PLEKHA5: variants seen among roughly 807,000 people sequenced by gnomAD.
The protein encoded by PLEKHA5 is pleckstrin homology domain-containing family A member 5.
In PLEKHA5, 55 loss-of-function variants were observed where a neutral mutation model predicts 181.9. The ratio of observed to expected loss-of-function variants is 0.30; its 90% CI spans 0.24 to 0.38. The LOEUF (loss-of-function observed/expected upper bound fraction) is 0.38, where lower values mean the gene tolerates loss of function less well. Ranked by LOEUF, PLEKHA5 falls within the 10% of genes least tolerant of loss-of-function variation. The pLI is 1.00. For missense variants in PLEKHA5, 1,432 were observed against 1,549.5 expected, an observed-to-expected ratio of 0.92 and a Z score of 1.27; for synonymous variants, 535 against 529.4, an observed-to-expected ratio of 1.01 and a Z score of -0.15.
chr12:19,139,646 A>G (rs1445538725), intron 3 of PLEKHA5, among the ~76,000 whole-genome samples: 1 of 152,204 alleles, frequency 6.6e-6, no homozygotes, highest in Non-Finnish European at 1.5e-5. Flanking sequence ...TAATCATGCA[A>G]ATATGTAAGA....
chr12:19,171,348 T>C (rs888018302), intron 3 of PLEKHA5, among the ~76,000 whole-genome samples: 2 of 152,160 alleles, frequency 1.3e-5, no homozygotes, highest in African/African-American at 4.8e-5. Flanking sequence ...TCTTTTAATA[T>C]AAAAATGAAG....
At chr12:19,152,027 C>T (rs34665799) in intron 3 of PLEKHA5, 13,534 of 151,916 alleles carry the variant, frequency 0.089, 750 homozygotes, top group Admixed American at 0.18. Flanking sequence ...CCACCACGCC[C>T]GGCTAATTTT....
In PLEKHA5 at chr12:19,141,738, T is replaced by G. The variant is rs74390883; in HGVS notation, c.227+9288T>G. ...ATTGGCTGTCCTGAGCAAGTGAGTT[T>G]GAAGAAACTGATTTAGCACAAGTGG... On this transcript the variant is annotated intron_variant, in intron 3 of 31. Coordinates refer to ENST00000429027, the MANE Select transcript of PLEKHA5 (RefSeq NM_001256470.2). Among the ~76,000 whole-genome samples, 605 of 152,202 alleles carry G rather than the reference T, an allele frequency of 4.0e-3. 2 individuals carry two copies. Among genetic ancestry groups the G allele is most frequent in the African/African-American group, 0.014 (571 of 41,534 alleles).
intron 21 of PLEKHA5, among the ~76,000 whole-genome samples, chr12:19,338,741 A>G (rs548904689): frequency 6.6e-6 from 1 of 151,758 alleles, no homozygotes; most frequent in South Asian, 2.1e-4. Flanking sequence ...ATCAGCTACA[A>G]TAATCAGCTA....
At chr12:19,138,223 T>C (rs1490632143) in intron 3 of PLEKHA5, among the ~76,000 whole-genome samples, 1 of 152,002 alleles carries the variant, frequency 6.6e-6, no homozygotes, top group East Asian at 1.9e-4. Flanking sequence ...AAATATAAGA[T>C]GAAATTAAGG....
At chr12:19,344,049 CAAA>C (rs35734108) in intron 22 of PLEKHA5, among the ~76,000 whole-genome samples, 4 of 120,956 alleles carry the variant, frequency 3.3e-5, no homozygotes, top group Admixed American at 8.2e-5. Context: ...GAAACTGTCC[CAAA>C]AAAAAAAAAA....
intron 3 of PLEKHA5, among the ~76,000 whole-genome samples, chr12:19,144,661 T>C (rs2038411436): frequency 6.6e-6 from 1 of 152,188 alleles, no homozygotes. Flanking sequence ...TAGCGATAAC[T>C]GTTTGAAGCA....
intron 25 of PLEKHA5, among the ~76,000 whole-genome samples, chr12:19,353,403 C>T (rs555389934): frequency 2.6e-5 from 4 of 152,184 alleles, no homozygotes; most frequent in African/African-American, 4.8e-5. Flanking sequence ...GTGATTCACC[C>T]GCCTCAGCCT....
intron 15 of PLEKHA5, among the ~76,000 whole-genome samples, chr12:19,299,438 TTA>T (rs1193018196): frequency 6.6e-6 from 1 of 152,218 alleles, no homozygotes; most frequent in Admixed American, 6.5e-5. Context: ...TCCTGAATCT[TTA>T]GTCAGCAAAT....
intron 26 of PLEKHA5, among the ~76,000 whole-genome samples, chr12:19,355,463 C>T (rs962567877): frequency 6.6e-6 from 1 of 150,612 alleles, no homozygotes. Flanking sequence ...GGGATCCTCT[C>T]ACCCCAGCCT....
intron 15 of PLEKHA5, among the ~76,000 whole-genome samples, chr12:19,310,084 A>G (rs1013345923): frequency 2.0e-5 from 3 of 152,220 alleles, no homozygotes; most frequent in African/African-American, 4.8e-5. Context: ...TTTATAATTT[A>G]GCAATTAAAT....
In PLEKHA5 at chr12:19,130,060, C is replaced by A; in HGVS notation, c.99C>A (p.Ala33=). ...TCTCTCACCCCTGCAGCGAGGAGGC[C>A]AAGAGCACCACCTGGCTGCACCCCG... The part of the protein sequence containing the change: ...GGRVFFINEE[A]KSTTWLHPVT... Residue 33 remains alanine, a synonymous_variant, in exon 2 of 32, where the codon GCC becomes GCA. Coordinates refer to ENST00000429027, the MANE Select transcript of PLEKHA5 (RefSeq NM_001256470.2). The surrounding 1 kb of genome is among the most constrained non-coding windows in gnomAD (Gnocchi z 4.5). 6.3e-7 allele frequency: 1 copy of A among 1,589,084 alleles called. No individual in the cohort carries two copies. The highest frequency in any genetic ancestry group is 1.7e-5 in the Admixed American group (1 of 57,418).
intron 3 of PLEKHA5, chr12:19,176,367 C>T (rs1216313652): frequency 1.3e-5 from 2 of 151,784 alleles, no homozygotes; most frequent in East Asian, 1.9e-4. Flanking sequence ...ATCAGATCAG[C>T]ACAGGAGTTT....
intron 3 of PLEKHA5, among the ~76,000 whole-genome samples, chr12:19,175,059 A>C (rs2151742261): frequency 6.6e-6 from 1 of 152,346 alleles, no homozygotes; most frequent in Non-Finnish European, 1.5e-5. Flanking sequence ...AAAGAAACAT[A>C]AATGGCCAAT....
chr12:19,302,568 G>A (rs559649710), intron 15 of PLEKHA5, among the ~76,000 whole-genome samples: 43 of 152,072 alleles, frequency 2.8e-4, no homozygotes, highest in African/African-American at 9.9e-4. Flanking sequence ...GCTAATTTTG[G>A]TATTTTTTAT....
chr12:19,320,407 C>G (rs943556069), intron 17 of PLEKHA5, 155 bp from the exon 18 acceptor site: 4 of 473,342 alleles, frequency 8.5e-6, no homozygotes, highest in African/African-American at 2.0e-5. Flanking sequence ...CTTTGTTGAT[C>G]AGTGTTTGAA....
intron 3 of PLEKHA5, among the ~76,000 whole-genome samples, chr12:19,181,613 A>G (rs542768941): frequency 6.6e-6 from 1 of 152,248 alleles, no homozygotes; most frequent in East Asian, 1.9e-4. Context: ...CGTCTCTACT[A>G]AAAATACAAA....
chr12:19,306,047 T>C (rs531933345), intron 15 of PLEKHA5, among the ~76,000 whole-genome samples: 1 of 151,600 alleles, frequency 6.6e-6, no homozygotes, highest in South Asian at 2.1e-4. Context: ...CCCATTGTAC[T>C]CCAGCCCAGG....
At position 19,317,921 on chromosome 12, in the gene PLEKHA5, C is replaced by CTTT. The variant is rs71064082; in HGVS notation, c.2119-2078_2119-2076dup. On this transcript the variant is annotated intron_variant, in intron 16 of 31. Coordinates refer to ENST00000429027, the MANE Select transcript of PLEKHA5 (RefSeq NM_001256470.2). The stretch of plus-strand genomic sequence containing the variant: ...TTCGAATGAAGTATTCAAACCAAAC[C>CTTT]TTTTTTTTTTTTTTTTTTTTTTTTG... Among the ~76,000 whole-genome samples, 252 of 67,474 alleles carry CTTT rather than the reference C, an allele frequency of 3.7e-3. 2 individuals carry two copies. Among genetic ancestry groups the CTTT allele is most frequent in the African/African-American group, 0.013 (219 of 16,860 alleles). The allele number at this position is 67,474 out of a possible 152,430, so 44.3% of individuals were successfully genotyped here.
Sources: allele counts gnomAD v4.1 joint callset (sites outside exome capture counted in the v4.1 genomes callset), GRCh38; gene constraint gnomAD v4.1.1; non-coding constraint Gnocchi (gnomAD v3.1); transcripts MANE v1.5; gene names NCBI Gene and HGNC (gene_info 2026-07-23, HGNC 2026-07-21).